Variants in MYRIP observed in about 807,000 individuals in gnomAD.
MYRIP encodes the protein rab effector MyRIP.
MYRIP carries 49 observed loss-of-function variants against 98.0 expected under a neutral mutation model. The observed-to-expected ratio is 0.50, with a 90% CI of 0.40 to 0.63. The LOEUF is 0.63. Among genes scored for constraint, MYRIP ranks in the 30% least tolerant of loss-of-function variants. The probability of loss-of-function intolerance (pLI) is 0.00; values close to 1 mark genes in which losing one functional copy is unlikely to be tolerated. For synonymous variants in MYRIP, 404 were observed against 409.5 expected (o/e 0.99, Z 0.16); for missense variants, 1,004 against 1,058.2 (o/e 0.95, Z 0.71).
At chr3:40,029,616 T>C (rs1947213637) in intron 2 of MYRIP, among the ~76,000 whole-genome samples, 1 of 152,168 alleles carries the variant, frequency 6.6e-6, no homozygotes, top group Admixed American at 6.5e-5. Flanking sequence ...ATGCTTTCTT[T>C]TACTAAAACC....
intron 2 of MYRIP, among the ~76,000 whole-genome samples, chr3:39,966,055 T>A (rs1414908743): frequency 6.6e-6 from 1 of 152,082 alleles, no homozygotes; most frequent in Non-Finnish European, 1.5e-5. Context: ...TGAGCTTCTG[T>A]CCCTGTAGCT....
In MYRIP at chr3:40,167,384, G is replaced by A; in HGVS notation, c.729+145G>A. On this transcript the variant is annotated intron_variant, in intron 7 of 16. Transcript: ENST00000302541. ...TCACTTTAGACTTTTGTGCCCTGGG[G>A]ACCCATGCAGAGGGAATGCATCGCA... 4.1e-6 allele frequency: 3 copies of A among 739,896 alleles called. No individual in the cohort carries two copies. In the East Asian group the frequency reaches 8.1e-5, roughly 20 times the overall value. 45.8% of individuals were successfully genotyped at this position (739,896 alleles called of 1,614,324 possible).
At chr3:39,810,329 G>A (rs183502381) in intron 1 of MYRIP, among the ~76,000 whole-genome samples, 3 of 152,388 alleles carry the variant, frequency 2.0e-5, no homozygotes, top group Admixed American at 2.0e-4. Flanking sequence ...CCAGCGCGAC[G>A]GACCTGACTC....
chr3:40,223,643 A>C (rs1952403980), intron 11 of MYRIP, among the ~76,000 whole-genome samples: 1 of 152,228 alleles, frequency 6.6e-6, no homozygotes, highest in Non-Finnish European at 1.5e-5. Flanking sequence ...ACAATATTTA[A>C]AAGGAGACAG....
intron 2 of MYRIP, among the ~76,000 whole-genome samples, chr3:39,982,003 A>C (rs983106527): frequency 6.6e-6 from 1 of 152,232 alleles, no homozygotes; most frequent in African/African-American, 2.4e-5. Flanking sequence ...ACCTGCAAAC[A>C]CATGACTATA....
Position 39,938,479 on chromosome 3 carries a change from G to T in MYRIP, c.110+37553G>T, listed in dbSNP as rs116224421. Among the ~76,000 whole-genome samples, 275 of 152,212 alleles carry T rather than the reference G, an allele frequency of 1.8e-3. 1 individual carries two copies. Among genetic ancestry groups the T allele is most frequent in the African/African-American group, 6.2e-3 (257 of 41,546 alleles). On this transcript the variant is annotated intron_variant, in intron 2 of 16. Transcript: ENST00000302541. ...GACCCTATGGCTGCATTTCTGCTAT[G>T]TATATACCCAAAGATGGGATTGCTA...
chr3:40,012,767 C>T (rs1220776606), intron 2 of MYRIP, among the ~76,000 whole-genome samples: 1 of 152,148 alleles, frequency 6.6e-6, no homozygotes, highest in Non-Finnish European at 1.5e-5. Flanking sequence ...GGATTTATGC[C>T]ATTGGCTTCC....
chr3:39,871,503 C>A (rs754499513), intron 1 of MYRIP, among the ~76,000 whole-genome samples: 2 of 152,130 alleles, frequency 1.3e-5, no homozygotes, highest in African/African-American at 4.8e-5. Context: ...AGGAGCCAAA[C>A]GTCTTCAACT....
At chr3:40,256,381 T>A (rs906711598) in intron 16 of MYRIP, among the ~76,000 whole-genome samples, 1 of 152,140 alleles carries the variant, frequency 6.6e-6, no homozygotes, top group Admixed American at 6.5e-5. Context: ...ATAGGATACA[T>A]ATAAAACTAC....
chr3:40,016,844 A>G (rs914136435), intron 2 of MYRIP, among the ~76,000 whole-genome samples: 1 of 152,200 alleles, frequency 6.6e-6, no homozygotes, highest in South Asian at 2.1e-4. Context: ...AGATTGCCAT[A>G]TATCATGGCT....
chr3:40,159,078 T>C (rs1258377583), intron 4 of MYRIP, among the ~76,000 whole-genome samples: 2 of 152,212 alleles, frequency 1.3e-5, no homozygotes, highest in South Asian at 4.2e-4. Context: ...TGATGCAGTT[T>C]CTTCCTAGTC....
At chr3:40,196,510 G>C (rs1338130201) in intron 10 of MYRIP, among the ~76,000 whole-genome samples, 1 of 151,930 alleles carries the variant, frequency 6.6e-6, no homozygotes, top group Non-Finnish European at 1.5e-5. Flanking sequence ...CTTTGTTTTT[G>C]CATTTTGTTT....
chr3:40,119,506 G>A (rs572869842), intron 3 of MYRIP, among the ~76,000 whole-genome samples: 1 of 152,306 alleles, frequency 6.6e-6, no homozygotes, highest in African/African-American at 2.4e-5. Context: ...TTTGCCTCTG[G>A]AGACGGGAAC....
chr3:40,215,580 C>T (rs1952093637), intron 11 of MYRIP, among the ~76,000 whole-genome samples: 1 of 152,032 alleles, frequency 6.6e-6, no homozygotes, highest in Admixed American at 6.6e-5. Context: ...TCTGGTTTCT[C>T]AAGTTTAATG....
At chr3:39,991,526 A>G (rs1946175960) in intron 2 of MYRIP, among the ~76,000 whole-genome samples, 1 of 152,128 alleles carries the variant, frequency 6.6e-6, no homozygotes, top group Non-Finnish European at 1.5e-5. Context: ...TTATTTTACT[A>G]CCTTCCTACG....
chr3:39,864,325 A>T (rs530623152), intron 1 of MYRIP, among the ~76,000 whole-genome samples: 1 of 151,930 alleles, frequency 6.6e-6, no homozygotes, highest in African/African-American at 2.4e-5. Flanking sequence ...AGGAAAAAAA[A>T]TACATCAAAT....
chr3:40,052,587 A>G (rs1490588843), intron 3 of MYRIP, among the ~76,000 whole-genome samples: 1 of 152,152 alleles, frequency 6.6e-6, no homozygotes, highest in African/African-American at 2.4e-5. Context: ...GGAAGTATAA[A>G]TGGGCACAAC....
intron 1 of MYRIP, among the ~76,000 whole-genome samples, chr3:39,878,871 A>G (rs1372553265): frequency 3.3e-5 from 5 of 149,306 alleles, no homozygotes; most frequent in Admixed American, 6.7e-5. Context: ...TCTGGCCAAC[A>G]TGGTGAAACC....
chr3:40,243,791 T>C lies in MYRIP; in HGVS notation c.2101-655T>C, dbSNP rs986661576. Among the ~76,000 whole-genome samples, 13 of 152,230 alleles carry C rather than the reference T, an allele frequency of 8.5e-5. 1 individual carries two copies. The highest frequency in any genetic ancestry group is 1.9e-4 in the Non-Finnish European group (13 of 68,044). The stretch of plus-strand genomic sequence containing the variant: ...CCTGTAAGTAAAAAATGTTTCTTTT[T>C]CTTAAATTTCTTTATCAGACTTGCT... On this transcript the variant is annotated intron_variant, in intron 12 of 16. Coordinates refer to ENST00000302541, the MANE Select transcript of MYRIP (RefSeq NM_015460.4).
Sources: allele counts gnomAD v4.1 joint callset (sites outside exome capture counted in the v4.1 genomes callset), GRCh38; gene constraint gnomAD v4.1.1; transcripts MANE v1.5; gene names NCBI Gene and HGNC (gene_info 2026-07-23, HGNC 2026-07-21).